The following RORA variants were observed in gnomAD, a reference collection of about 807,000 sequenced individuals.
The protein encoded by RORA is RAR related orphan receptor A.
A neutral mutation model predicts 69.5 loss-of-function variants in RORA; 7 were observed. The observed-to-expected ratio is 0.10, with a 90% CI of 0.06 to 0.19. The LOEUF (loss-of-function observed/expected upper bound fraction) is 0.19, where lower values mean the gene tolerates loss of function less well. RORA is among the 10% of genes least tolerant of loss of function. RORA has a pLI of 1.00. For missense variants in RORA, 457 were observed against 663.0 expected (o/e 0.69, Z 3.41); for synonymous variants, 261 against 240.8 (o/e 1.08, Z -0.78).
At chr15:60,931,952 A>T (rs905483697) in intron 1 of RORA, among the ~76,000 whole-genome samples, 7 of 152,312 alleles carry the variant, frequency 4.6e-5, no homozygotes, top group African/African-American at 1.7e-4. Flanking sequence ...AAATGCCAGA[A>T]ATTAGGGTCT....
At chr15:61,193,718 T>C (rs1302285506) in intron 1 of RORA, among the ~76,000 whole-genome samples, 3 of 152,216 alleles carry the variant, frequency 2.0e-5, no homozygotes, top group African/African-American at 7.2e-5. Flanking sequence ...ACATATGCAA[T>C]ATCCTAACAA....
intron 1 of RORA, among the ~76,000 whole-genome samples, chr15:60,775,041 A>G (rs1453821910): frequency 6.6e-6 from 1 of 152,194 alleles, no homozygotes; most frequent in African/African-American, 2.4e-5. Context: ...GAGACACCCC[A>G]CACGTCTAAG....
chr15:60,498,100 T>C (rs750911118), intron 10 of RORA, among the ~76,000 whole-genome samples: 2 of 152,064 alleles, frequency 1.3e-5, no homozygotes, highest in Admixed American at 6.6e-5. Flanking sequence ...AGTCATGTCA[T>C]AGAATGCCAA....
intron 1 of RORA, among the ~76,000 whole-genome samples, chr15:60,863,420 C>T (rs1203183774): frequency 6.6e-6 from 1 of 152,190 alleles, no homozygotes; most frequent in Non-Finnish European, 1.5e-5. Flanking sequence ...CTGCCTTTCA[C>T]TACTTAGACT....
rs577482335 is a variant in RORA at position 61,188,480 on chromosome 15, A to G, written c.166+40573T>C. Among the ~76,000 whole-genome samples, 309 of 152,292 alleles carry G rather than the reference A, an allele frequency of 2.0e-3. 3 individuals are homozygous for G. The highest frequency in any genetic ancestry group is 3.0e-3 in the Non-Finnish European group (202 of 68,020). The stretch of plus-strand genomic sequence containing the variant: ...AGTGAGTTCTGCAAAACTGGAGGGA[A>G]TATTTTAAAAATTCTAATGGAAAAC... On this transcript the variant is annotated intron_variant, in intron 1 of 10. Transcript: ENST00000335670.
chr15:60,737,401 T>A (rs950250477), intron 1 of RORA, among the ~76,000 whole-genome samples: 1 of 152,152 alleles, frequency 6.6e-6, no homozygotes, highest in African/African-American at 2.4e-5. Context: ...AAAAGACCAA[T>A]GGAAGGTTAA....
chr15:61,024,898 T>C (rs988377893), intron 1 of RORA, among the ~76,000 whole-genome samples: 4 of 152,192 alleles, frequency 2.6e-5, no homozygotes, highest in Non-Finnish European at 4.4e-5. Context: ...AGCTGGAAAT[T>C]TGTTAGACCC....
At chr15:60,806,660 A>G (rs1282796291) in intron 1 of RORA, among the ~76,000 whole-genome samples, 1 of 152,198 alleles carries the variant, frequency 6.6e-6, no homozygotes, top group Non-Finnish European at 1.5e-5. Flanking sequence ...TGTGGGTATT[A>G]TTATTCCCAT....
At chr15:61,193,120 C>T (rs1029617626) in intron 1 of RORA, among the ~76,000 whole-genome samples, 2 of 152,108 alleles carry the variant, frequency 1.3e-5, no homozygotes, top group Admixed American at 6.5e-5. Flanking sequence ...TCCAAATATA[C>T]GTCATTTTAC....
intron 1 of RORA, among the ~76,000 whole-genome samples, chr15:61,113,615 A>C (rs1220859983): frequency 6.6e-6 from 1 of 152,160 alleles, no homozygotes; most frequent in Non-Finnish European, 1.5e-5. Flanking sequence ...CATTTTGCAG[A>C]CAGGGCCCTA....
chr15:60,786,239 C>A (rs1405515456), intron 1 of RORA, among the ~76,000 whole-genome samples: 1 of 152,216 alleles, frequency 6.6e-6, no homozygotes, highest in Non-Finnish European at 1.5e-5. Context: ...CCACTAAATA[C>A]ATCTGTCCCT....
At chr15:60,899,576 G>A (rs1053383741) in intron 1 of RORA, among the ~76,000 whole-genome samples, 2 of 152,176 alleles carry the variant, frequency 1.3e-5, no homozygotes, top group Admixed American at 6.5e-5. Flanking sequence ...TTCAAGTTAG[G>A]TTGACAGATA....
At chr15:60,736,549 A>ATTT (rs571063477) in intron 1 of RORA, among the ~76,000 whole-genome samples, 2 of 152,146 alleles carry the variant, frequency 1.3e-5, no homozygotes, top group African/African-American at 4.8e-5. Context: ...TCTGATATAT[A>ATTT]TTTTTTTCTT....
chr15:60,704,609 G>A (rs999279600), intron 1 of RORA, among the ~76,000 whole-genome samples: 3 of 152,076 alleles, frequency 2.0e-5, no homozygotes, highest in African/African-American at 7.2e-5. Context: ...AAATATAAAA[G>A]GAAATAAAAT....
intron 1 of RORA, among the ~76,000 whole-genome samples, chr15:61,150,110 C>T (rs906129318): frequency 6.6e-6 from 1 of 152,192 alleles, no homozygotes; most frequent in African/African-American, 2.4e-5. Flanking sequence ...ACAGGACTAA[C>T]ACCCCTTATA....
intron 2 of RORA, among the ~76,000 whole-genome samples, chr15:60,554,636 AAC>A (rs1259434440): frequency 6.6e-6 from 1 of 152,210 alleles, no homozygotes; most frequent in Non-Finnish European, 1.5e-5. Context: ...TCAAACAAAA[AAC>A]ACATTATCCT....
chr15:60,499,510 C>T (rs905148054), intron 10 of RORA, among the ~76,000 whole-genome samples: 16 of 152,154 alleles, frequency 1.1e-4, no homozygotes, highest in African/African-American at 3.6e-4. Context: ...TTCACTCCAG[C>T]CTGGGAGACG....
chr15:60,531,903 TA>T lies in RORA; in HGVS notation c.197-53del, dbSNP rs751907741. The T allele has an allele frequency of 1.9e-6, 2 of 1,066,288 alleles. No homozygotes were observed. The highest frequency in any genetic ancestry group is 4.3e-5 in the Admixed American group (2 of 46,558). The allele number at this position is 1,066,288 out of a possible 1,614,324, so 66.1% of individuals were successfully genotyped here. A position where few individuals can be genotyped will look rare whatever the true frequency, so the allele number is the denominator to read the frequency against. On this transcript the variant is annotated intron_variant, in intron 2 of 10. Transcript: ENST00000335670. This position sits in a 1 kb window ranked among gnomAD's most constrained non-coding sequence, Gnocchi z 4.8. ...ATTACATTTTCTTTTAAACACCTTA[TA>T]AAAGCGTTCCCTGATCAGCATTTGT...
chr15:60,805,994 G>T (rs756596904), intron 1 of RORA, among the ~76,000 whole-genome samples: 3 of 152,216 alleles, frequency 2.0e-5, no homozygotes, highest in African/African-American at 4.8e-5. Flanking sequence ...GAATCTGTAG[G>T]GGGTAGATTG....
Sources: allele counts gnomAD v4.1 joint callset (sites outside exome capture counted in the v4.1 genomes callset), GRCh38; gene constraint gnomAD v4.1.1; non-coding constraint Gnocchi (gnomAD v3.1); transcripts MANE v1.5; gene names NCBI Gene and HGNC (gene_info 2026-07-23, HGNC 2026-07-21).